USP44: variants seen among roughly 807,000 people sequenced by gnomAD.
USP44 encodes the protein ubiquitin carboxyl-terminal hydrolase 44.
A neutral mutation model predicts 69.0 loss-of-function variants in USP44; 61 were observed. The observed-to-expected ratio is 0.88, with a 90% confidence interval of 0.72 to 1.09. USP44 has a LOEUF of 1.09. Ranked by LOEUF, USP44 falls within the 50% of genes least tolerant of loss-of-function variation. The pLI is 0.00. For synonymous variants in USP44, 297 were observed against 295.4 expected (o/e 1.01, Z -0.06); for missense variants, 753 against 849.9 (o/e 0.89, Z 1.42).
intron 3 of USP44, among the ~76,000 whole-genome samples, chr12:95,525,905 C>G (rs2076818944): frequency 6.6e-6 from 1 of 152,220 alleles, no homozygotes; most frequent in Non-Finnish European, 1.5e-5. Context: ...CACCATGAAG[C>G]TGAGCTCTAA....
At chr12:95,532,209 C>T (rs113413325) in intron 2 of USP44, among the ~76,000 whole-genome samples, 12,678 of 147,134 alleles carry the variant, frequency 0.086, 761 homozygotes, top group African/African-American at 0.17. Context: ...GCTCTGTCAC[C>T]CAGGCTGGAG....
intron 3 of USP44, among the ~76,000 whole-genome samples, chr12:95,525,877 T>C (rs2076818172): frequency 6.6e-6 from 1 of 152,204 alleles, no homozygotes; most frequent in Admixed American, 6.5e-5. Context: ...GCTTCTCATG[T>C]GGGAAGCAGG....
Position 95,518,008 on chromosome 12 carries a change from C to T in USP44, c.*146G>A. Reference sequence around the variant, plus strand: ...CCTTCAGTTGATATATACATTTATACTTTGTAAAAAAAAAAATTGTTAGAT... The same window carrying T: ...CCTTCAGTTGATATATACATTTATATTTTGTAAAAAAAAAAATTGTTAGAT... On this transcript the variant is annotated 3_prime_UTR_variant, in exon 6 of 6. Transcript: ENST00000258499. 1 of 850,420 alleles carries T rather than the reference C, an allele frequency of 1.2e-6. No individual in the cohort carries two copies. The highest frequency in any genetic ancestry group is 1.7e-6 in the Non-Finnish European group (1 of 578,504). 52.7% of individuals were successfully genotyped at this position (850,420 alleles called of 1,614,324 possible). A position where few individuals can be genotyped will look rare whatever the true frequency, so the allele number is the denominator to read the frequency against.
chr12:95,527,833 A>C (rs2076895401), intron 3 of USP44, among the ~76,000 whole-genome samples: 1 of 93,050 alleles, frequency 1.1e-5, no homozygotes, highest in Non-Finnish European at 2.0e-5. Flanking sequence ...TTGGAGGAAG[A>C]TGCTTTTTTT....
chr12:95,519,432 A>ACTTTTTTT (rs199606254), intron 5 of USP44, among the ~76,000 whole-genome samples: 5 of 84,544 alleles, frequency 5.9e-5, no homozygotes, highest in African/African-American at 1.5e-4. Flanking sequence ...CTCAATCTGT[A>ACTTTTTTT]TTTTTTTTTT....
At chr12:95,522,933 C>T (rs1195839253) in intron 4 of USP44, among the ~76,000 whole-genome samples, 3 of 152,086 alleles carry the variant, frequency 2.0e-5, no homozygotes, top group African/African-American at 7.2e-5. Flanking sequence ...CCAAACACTG[C>T]CCCCAACCCC....
chr12:95,549,966 G>A (rs967247934), intron 1 of USP44, among the ~76,000 whole-genome samples: 3 of 152,092 alleles, frequency 2.0e-5, no homozygotes, highest in South Asian at 2.1e-4. Context: ...ATCACCTGAG[G>A]TCAGGAGTTC....
At chr12:95,550,979 A>T (rs2077714008) in intron 1 of USP44, among the ~76,000 whole-genome samples, 1 of 152,118 alleles carries the variant, frequency 6.6e-6, no homozygotes, top group Admixed American at 6.6e-5. Context: ...CTTTTTCTTC[A>T]TACTTATTAC....
intron 1 of USP44, among the ~76,000 whole-genome samples, chr12:95,538,950 T>C (rs1219624790): frequency 6.6e-6 from 1 of 152,264 alleles, no homozygotes; most frequent in African/African-American, 2.4e-5. Context: ...GCAGATTGGA[T>C]GTATGATTTT....
At chr12:95,544,048 C>CTTTTT (rs1191045599) in intron 1 of USP44, among the ~76,000 whole-genome samples, 10 of 97,234 alleles carry the variant, frequency 1.0e-4, no homozygotes, top group African/African-American at 1.6e-4. Flanking sequence ...TTTTAGTTAT[C>CTTTTT]TTTTTTTTTT....
intron 2 of USP44, among the ~76,000 whole-genome samples, chr12:95,531,234 C>T (rs761130850): frequency 2.0e-5 from 3 of 150,376 alleles, no homozygotes; most frequent in African/African-American, 7.3e-5. Context: ...AAAAAACACA[C>T]AAAAAAATTA....
intron 2 of USP44, 46 bp downstream of exon 2, chr12:95,532,783 T>C (rs2077062025): frequency 6.7e-7 from 1 of 1,498,802 alleles, no homozygotes; most frequent in Admixed American, 2.2e-5. Context: ...TAGGCTACAC[T>C]TTATGAACTC....
At chr12:95,549,289 T>G (rs576226132) in intron 1 of USP44, among the ~76,000 whole-genome samples, 130 of 152,296 alleles carry the variant, frequency 8.5e-4, no homozygotes, top group African/African-American at 3.0e-3. Context: ...GGGTGTAACT[T>G]CAGTGGCGAT....
chr12:95,536,981 G>C (rs947443686), intron 1 of USP44, among the ~76,000 whole-genome samples: 2 of 152,160 alleles, frequency 1.3e-5, no homozygotes. Context: ...GAGCAACACA[G>C]AGCCACTGAA....
At chr12:95,520,943 T>C in intron 5 of USP44, 54 bp downstream of exon 5, 13 of 1,549,768 alleles carry the variant, frequency 8.4e-6, no homozygotes, top group African/African-American at 1.4e-5. Flanking sequence ...GGTTAAAGCC[T>C]GAACTCCAGC....
At chr12:95,539,237 T>G (rs2077307275) in intron 1 of USP44, among the ~76,000 whole-genome samples, 2 of 151,836 alleles carry the variant, frequency 1.3e-5, no homozygotes, top group Admixed American at 1.3e-4. Context: ...TTTTTGTTTT[T>G]TTTTTTGAGA....
At chr12:95,538,953 A>AT (rs1232616512) in intron 1 of USP44, among the ~76,000 whole-genome samples, 1 of 152,242 alleles carries the variant, frequency 6.6e-6, no homozygotes, top group Non-Finnish European at 1.5e-5. Flanking sequence ...GATTGGATGT[A>AT]TGATTTTTGG....
chr12:95,526,276 TA>T (rs1373685203), intron 3 of USP44, among the ~76,000 whole-genome samples: 1 of 152,154 alleles, frequency 6.6e-6, no homozygotes, highest in Admixed American at 6.5e-5. Context: ...ATTTATTTTT[TA>T]AAAAAACCTT....
At chr12:95,523,904 T>G (rs1474918212) in intron 4 of USP44, among the ~76,000 whole-genome samples, 1 of 151,490 alleles carries the variant, frequency 6.6e-6, no homozygotes, top group Non-Finnish European at 1.5e-5. Context: ...TGAGACAGAG[T>G]CTCGCTCTGT....
Sources: allele counts gnomAD v4.1 joint callset (sites outside exome capture counted in the v4.1 genomes callset), GRCh38; gene constraint gnomAD v4.1.1; transcripts MANE v1.5; gene names NCBI Gene and HGNC (gene_info 2026-07-23, HGNC 2026-07-21).